PIK3R5: variants seen among roughly 807,000 people sequenced by gnomAD.
The protein encoded by PIK3R5 is phosphoinositide-3-kinase regulatory subunit 5.
PIK3R5 carries 32 observed loss-of-function variants against 94.9 expected under a neutral mutation model. The observed-to-expected ratio is 0.34, with a 90% CI of 0.25 to 0.45. PIK3R5 has a LOEUF of 0.45. PIK3R5 is among the 20% of genes least tolerant of loss of function. The probability of loss-of-function intolerance (pLI) is 1.00; values close to 1 mark genes in which losing one functional copy is unlikely to be tolerated. For missense variants in PIK3R5, 853 were observed against 1,144.6 expected, an observed-to-expected ratio of 0.75 and a Z score of 3.68; for synonymous variants, 443 against 479.4, an observed-to-expected ratio of 0.92 and a Z score of 0.99.
rs1222036828 is a variant in PIK3R5 at position 8,955,762 on chromosome 17, G to A, written c.-14+9834C>T. On this transcript the variant is annotated intron_variant, in intron 1 of 18. Transcript: ENST00000447110. The surrounding 1 kb of genome is among the most constrained non-coding windows in gnomAD (Gnocchi z 4.4). ...GAAGATGGAGGGAGGACTCGGAGAT[G>A]AGTCCAAGGTTTCAAGGCTGGGAGT... is the stretch of plus-strand genomic sequence containing the variant. Among the ~76,000 whole-genome samples the A allele has an allele frequency of 6.6e-6, 1 of 152,204 alleles. No homozygotes were observed. Among genetic ancestry groups the A allele is most frequent in the African/African-American group, 2.4e-5 (1 of 41,454 alleles).
chr17:8,926,657 C>T lies in PIK3R5; in HGVS notation c.-13-15150G>A, dbSNP rs61686662. Among the ~76,000 whole-genome samples the T allele has an allele frequency of 2.7e-3, 415 of 152,270 alleles. 1 individual carries two copies. The highest frequency in any genetic ancestry group is 9.5e-3 in the African/African-American group (393 of 41,548). On this transcript the variant is annotated intron_variant, in intron 1 of 18. Coordinates refer to ENST00000447110, the MANE Select transcript of PIK3R5 (RefSeq NM_001142633.3). The stretch of plus-strand genomic sequence containing the variant: ...TACCACAAGAACAGTATGGGGGAAA[C>T]TGCCCCCATGATTCAGATTATCTCC...
chr17:8,887,446 A>T, intron 11 of PIK3R5, 75 bp downstream of exon 11: 1 of 1,492,626 alleles, frequency 6.7e-7, no homozygotes. Context: ...CTTGCTTTCC[A>T]TGACTTCCAA....
rs565479187 is a variant in PIK3R5, at chr17:8,904,101, T to C, written c.412+676A>G. ...TTATGAAATATTTTAGAGGCATCTA[T>C]TGAGATGCTTTTGCGAATTTATTCC... On this transcript the variant is annotated intron_variant, in intron 5 of 18. Transcript: ENST00000447110. This position sits in a 1 kb window ranked among gnomAD's most constrained non-coding sequence, Gnocchi z 5.1. Among the ~76,000 whole-genome samples the C allele has an allele frequency of 2.0e-5, 3 of 152,356 alleles. No homozygotes were observed. Among genetic ancestry groups the C allele is most frequent in the Admixed American group, 2.0e-4 (3 of 15,298 alleles).
chr17:8,905,812 C>T, intron 3 of PIK3R5, 75 bp from the exon 4 acceptor site: 2 of 772,722 alleles, frequency 2.6e-6, no homozygotes, highest in Non-Finnish European at 2.0e-6. Context: ...TACAGTGGTT[C>T]TTCCTCATTC....
intron 1 of PIK3R5, among the ~76,000 whole-genome samples, chr17:8,932,699 T>TA (rs1295624919): frequency 1.2e-4 from 18 of 151,732 alleles, no homozygotes. Flanking sequence ...ATATAGAAAA[T>TA]AAAAAAGGTT....
chr17:8,887,490 C>A, intron 11 of PIK3R5, 31 bp downstream of exon 11: 1 of 1,580,670 alleles, frequency 6.3e-7, no homozygotes, highest in Non-Finnish European at 8.6e-7. Flanking sequence ...ACTCTACTTT[C>A]CCCGACCATT....
chr17:8,887,404 A>G, intron 11 of PIK3R5, 117 bp downstream of exon 11: 1 of 1,317,134 alleles, frequency 7.6e-7, no homozygotes. Flanking sequence ...AGTGAGGGCC[A>G]GGCAGGGGGA....
chr17:8,945,811 T>G lies in PIK3R5; in HGVS notation c.-14+19785A>C, dbSNP rs2091261346. ...CAATCAAAACAGATTATAGCGGAAG[T>G]GATGCTGTGTGGCTTCCAAGGCTAG... On this transcript the variant is annotated intron_variant, in intron 1 of 18. Transcript: ENST00000447110. The surrounding 1 kb of genome is among the most constrained non-coding windows in gnomAD (Gnocchi z 4.0). Among the ~76,000 whole-genome samples, 1 of 152,186 alleles carries G rather than the reference T, an allele frequency of 6.6e-6. No homozygotes were observed.
intron 1 of PIK3R5, among the ~76,000 whole-genome samples, chr17:8,927,898 AC>A: frequency 6.6e-6 from 1 of 152,062 alleles, no homozygotes; most frequent in South Asian, 2.1e-4. Flanking sequence ...AGAGCCTGGC[AC>A]CTTCCCCCTG....
rs1008007798 is a variant in PIK3R5, at chr17:8,884,563, C to T, written c.2205+144G>A. On this transcript the variant is annotated intron_variant, in intron 15 of 18. Transcript: ENST00000447110. This position sits in a 1 kb window ranked among gnomAD's most constrained non-coding sequence, Gnocchi z 5.8. ...CACTCCTTCCCTTCTCTGCTTCTCT[C>T]AGCATCCAGGGGAGCCTGCTGCAGC... 3 of 647,988 alleles carry T rather than the reference C, an allele frequency of 4.6e-6. No homozygotes were observed. Among genetic ancestry groups the T allele is most frequent in the Non-Finnish European group, 5.6e-6 (2 of 360,068 alleles). The allele number at this position is 647,988 out of a possible 1,614,324, so 40.1% of individuals were successfully genotyped here.
intron 11 of PIK3R5, 29 bp from the exon 12 acceptor site, chr17:8,887,250 C>A (rs912634892): frequency 6.2e-7 from 1 of 1,612,276 alleles, no homozygotes; most frequent in Admixed American, 1.7e-5. Context: ...GTCATCATCC[C>A]AGCTCCCCAG....
At chr17:8,921,637 A>C (rs1230594662) in intron 1 of PIK3R5, among the ~76,000 whole-genome samples, 1 of 152,232 alleles carries the variant, frequency 6.6e-6, no homozygotes, top group Non-Finnish European at 1.5e-5. Context: ...AACAGCAACA[A>C]AAGTAATACA....
Position 8,881,700 on chromosome 17 carries a change from T to A in PIK3R5, c.2312A>T (p.Glu771Val). Residue 771 changes from glutamate to valine, a missense_variant, in exon 17 of 19, where the codon GAG becomes GTG. Glu to Val is a moderately radical substitution (Grantham distance 121, BLOSUM62 -2). Around this residue, in one of 6 missense-constraint regions of PIK3R5, gnomAD observed 173 missense variants for 274.1 expected, o/e 0.63. Coordinates refer to ENST00000447110, the MANE Select transcript of PIK3R5 (RefSeq NM_001142633.3). This position sits in a 1 kb window ranked among gnomAD's most constrained non-coding sequence, Gnocchi z 4.8. ...TTCTGTCAGGTTTAGCGTCAGGGCC[T>A]CCATGCTGGAATCTGAGGGGCAAGG... is the stretch of plus-strand genomic sequence containing the variant. Reference protein sequence around the residue: ...RKQEELDSSMEALTLNLTEVV... With the variant: ...RKQEELDSSMVALTLNLTEVV... The A allele has an allele frequency of 6.2e-7, 1 of 1,613,946 alleles. No homozygotes were observed. The highest frequency in any genetic ancestry group is 8.5e-7 in the Non-Finnish European group (1 of 1,179,938).
At chr17:8,943,759 CA>C (rs1209162023) in intron 1 of PIK3R5, among the ~76,000 whole-genome samples, 19 of 152,056 alleles carry the variant, frequency 1.2e-4, no homozygotes, top group African/African-American at 4.3e-4. Flanking sequence ...AGTGACAGAG[CA>C]AGACTCCATC....
intron 12 of PIK3R5, 110 bp downstream of exon 12, chr17:8,886,986 C>G: frequency 7.8e-7 from 1 of 1,282,126 alleles, no homozygotes; most frequent in South Asian, 1.4e-5. Context: ...CAAGAGGGCC[C>G]AGGTCCTCCA....
At chr17:8,957,271 G>A (rs1293352071) in intron 1 of PIK3R5, among the ~76,000 whole-genome samples, 1 of 152,114 alleles carries the variant, frequency 6.6e-6, no homozygotes, top group Admixed American at 6.6e-5. Flanking sequence ...TAGCCACCAC[G>A]AAGCCTCCCA....
intron 1 of PIK3R5, among the ~76,000 whole-genome samples, chr17:8,922,459 C>T (rs550342587): frequency 6.6e-6 from 1 of 152,140 alleles, no homozygotes; most frequent in Non-Finnish European, 1.5e-5. Context: ...CCTATGGTCA[C>T]AATTCCTATG....
rs1264289788 is a variant in PIK3R5, at chr17:8,880,443, C to G, written c.*196G>C. 5.7e-6 allele frequency: 3 copies of G among 529,456 alleles called. No homozygotes were observed. Among genetic ancestry groups the G allele is most frequent in the Non-Finnish European group, 9.8e-6 (3 of 304,856 alleles). 32.8% of individuals were successfully genotyped at this position (529,456 alleles called of 1,614,324 possible). A position where few individuals can be genotyped will look rare whatever the true frequency, so the allele number is the denominator to read the frequency against. ...AGGCTATGGGGTCTGGCCCTTCTCTCTCTGATAGCTGTTGCTTTCCCAGAA... is the reference window on the plus strand; with the variant it reads ...AGGCTATGGGGTCTGGCCCTTCTCTGTCTGATAGCTGTTGCTTTCCCAGAA... On this transcript the variant is annotated 3_prime_UTR_variant, in exon 19 of 19. Transcript: ENST00000447110.
Position 8,904,655 on chromosome 17 carries a change from C to A in PIK3R5, c.412+122G>T. ...GAGACTCCATGTTTGTGAACCAAGG[C>A]GTTGGCAGAGATGAATCAAAGGATG... On this transcript the variant is annotated intron_variant, in intron 5 of 18. Transcript: ENST00000447110. This position sits in a 1 kb window ranked among gnomAD's most constrained non-coding sequence, Gnocchi z 5.1. 1.1e-6 allele frequency: 1 copy of A among 917,336 alleles called. No homozygotes were observed. The highest frequency in any genetic ancestry group is 1.7e-6 in the Non-Finnish European group (1 of 589,722). 56.8% of individuals were successfully genotyped at this position (917,336 alleles called of 1,614,324 possible). A position where few individuals can be genotyped will look rare whatever the true frequency, so the allele number is the denominator to read the frequency against.
Sources: gnomAD v4.1 joint callset for allele counts (sites outside exome capture counted in the v4.1 genomes callset) on GRCh38, gnomAD v4.1.1 for gene constraint, gnomAD v4.1.1 regional missense constraint, Gnocchi (gnomAD v3.1) non-coding constraint, MANE v1.5 for transcripts, NCBI Gene and HGNC (gene_info 2026-07-23, HGNC 2026-07-21) for gene names.